TMSB15B: variants seen among roughly 807,000 people sequenced by gnomAD.
The protein encoded by TMSB15B is thymosin beta 15B, also known as thymosin beta-15B.
chrX:103,943,716 A>T, intron 1 of TMSB15B, among the ~76,000 whole-genome samples: 1 of 111,757 alleles, frequency 8.9e-6, no homozygotes. Flanking sequence ...ACTACACAAG[A>T]CTACTGGATG....
intron 1 of TMSB15B, among the ~76,000 whole-genome samples, chrX:103,938,912 A>T (rs2075005597): frequency 1.8e-5 from 2 of 112,323 alleles, no homozygotes; most frequent in Non-Finnish European, 3.8e-5. Flanking sequence ...TTTGCTTATG[A>T]AGCTTAATTT....
intron 1 of TMSB15B, among the ~76,000 whole-genome samples, chrX:103,953,244 G>A (rs1316038633): frequency 9.0e-6 from 1 of 111,645 alleles, no homozygotes; most frequent in Admixed American, 9.4e-5. Flanking sequence ...CTCCATCAGG[G>A]CCTTCAGTCT....
intron 1 of TMSB15B, chrX:103,919,360 T>G (rs1212840890): frequency 6.2e-5 from 7 of 112,539 alleles, no homozygotes; most frequent in African/African-American, 2.3e-4. Flanking sequence ...TGCTCCGGGC[T>G]TTGAGACCGG....
chrX:103,941,366 A>G (rs782675073), intron 1 of TMSB15B, among the ~76,000 whole-genome samples: 1 of 111,581 alleles, frequency 9.0e-6, no homozygotes, highest in East Asian at 2.8e-4. Flanking sequence ...TTGGAAACAT[A>G]CACAGCAGCA....
At chrX:103,942,064 AT>A (rs2075013984) in intron 1 of TMSB15B, among the ~76,000 whole-genome samples, 1 of 110,965 alleles carries the variant, frequency 9.0e-6, no homozygotes. Context: ...TTTGTCACTT[AT>A]TTTTCCATTT....
At chrX:103,954,609 C>T (rs1277569505) in intron 1 of TMSB15B, among the ~76,000 whole-genome samples, 2 of 111,666 alleles carry the variant, frequency 1.8e-5, no homozygotes, top group Admixed American at 9.4e-5. Flanking sequence ...CAACCCCTGC[C>T]GATTACTGTT....
intron 1 of TMSB15B, among the ~76,000 whole-genome samples, chrX:103,955,718 ATT>A (rs1192405079): frequency 8.9e-6 from 1 of 111,774 alleles, no homozygotes; most frequent in Non-Finnish European, 1.9e-5. Context: ...TGGAAAACAT[ATT>A]TCAGGATGTA....
chrX:103,927,283 C>T (rs1336405942), intron 1 of TMSB15B, among the ~76,000 whole-genome samples: 49 of 111,943 alleles, frequency 4.4e-4, no homozygotes, highest in Non-Finnish European at 1.3e-4. Flanking sequence ...CGCACTCAGC[C>T]GAAGCCAGGA....
chrX:103,934,744 T>C (rs1264765672), intron 1 of TMSB15B, among the ~76,000 whole-genome samples: 1 of 111,957 alleles, frequency 8.9e-6, no homozygotes, highest in East Asian at 2.8e-4. Flanking sequence ...CTGTCATTGA[T>C]GGGTATTTGG....
At chrX:103,935,272 T>C (rs2074994413) in intron 1 of TMSB15B, among the ~76,000 whole-genome samples, 1 of 112,309 alleles carries the variant, frequency 8.9e-6, no homozygotes, top group Admixed American at 9.4e-5. Flanking sequence ...ATGTCAAAAA[T>C]TTCCCCCCAT....
rs2074977546 is a variant in TMSB15B at position 103,929,078 on chromosome X, T to C, written c.-721+9786T>C. ...TCTGAATCTTCCCTGGTTGGTTCTA[T>C]ATAGCTTACTTCTTTGGCTCGGTTG... is the stretch of plus-strand genomic sequence containing the variant. On this transcript the variant is annotated intron_variant, in intron 1 of 3. Transcript: ENST00000419165. The C allele has an allele frequency of 8.5e-6, 8 of 938,154 alleles. No individual in the cohort carries two copies. In the Admixed American group the frequency reaches 2.5e-4, roughly 29 times the overall value. The allele number at this position is 938,154 out of a possible 1,213,427, so 77.3% of individuals were successfully genotyped here.
chrX:103,940,180 C>T (rs2075008976), intron 1 of TMSB15B, among the ~76,000 whole-genome samples: 1 of 112,415 alleles, frequency 8.9e-6, no homozygotes, highest in Non-Finnish European at 1.9e-5. Context: ...AGAGCTAGAG[C>T]ACTGTGCTGG....
At chrX:103,926,807 T>A (rs1482903319) in intron 1 of TMSB15B, among the ~76,000 whole-genome samples, 1 of 109,821 alleles carries the variant, frequency 9.1e-6, no homozygotes, top group Admixed American at 9.7e-5. Context: ...CCTGTGGGTC[T>A]GCTGTTCCTG....
intron 1 of TMSB15B, chrX:103,928,446 C>G: frequency 8.3e-7 from 1 of 1,205,258 alleles, no homozygotes; most frequent in Non-Finnish European, 1.1e-6. Context: ...TGGGACGCCA[C>G]TGGGCTGCAG....
chrX:103,940,802 C>T (rs1323781480), intron 1 of TMSB15B, among the ~76,000 whole-genome samples: 1 of 111,807 alleles, frequency 8.9e-6, no homozygotes, highest in Non-Finnish European at 1.9e-5. Context: ...CCCAAACAGC[C>T]GCCCAGATTT....
chrX:103,924,476 C>T (rs1205066765), intron 1 of TMSB15B, among the ~76,000 whole-genome samples: 1 of 111,774 alleles, frequency 8.9e-6, no homozygotes, highest in Non-Finnish European at 1.9e-5. Context: ...TTGCTCTTGT[C>T]TTTTTGCTTC....
At chrX:103,955,266 T>A (rs1449994855) in intron 1 of TMSB15B, among the ~76,000 whole-genome samples, 1 of 111,024 alleles carries the variant, frequency 9.0e-6, no homozygotes, top group Non-Finnish European at 1.9e-5. Flanking sequence ...AATGACTGCA[T>A]CACCTGTCCA....
intron 1 of TMSB15B, among the ~76,000 whole-genome samples, chrX:103,946,992 T>C (rs2075027333): frequency 9.0e-6 from 1 of 110,914 alleles, no homozygotes; most frequent in Non-Finnish European, 1.9e-5. Flanking sequence ...CTACTGAAGC[T>C]GAACCTATGC....
chrX:103,952,354 G>C (rs2075041038), intron 1 of TMSB15B, among the ~76,000 whole-genome samples: 2 of 111,857 alleles, frequency 1.8e-5, no homozygotes, highest in Admixed American at 1.9e-4. Flanking sequence ...TCAAAAGCTG[G>C]AAGTTTTTAG....
Sources: allele counts gnomAD v4.1 joint callset (sites outside exome capture counted in the v4.1 genomes callset), GRCh38; gene constraint gnomAD v4.1.1; transcripts MANE v1.5; gene names NCBI Gene and HGNC (gene_info 2026-07-23, HGNC 2026-07-21).